CTNND2: variants seen among roughly 807,000 people sequenced by gnomAD.
The protein encoded by CTNND2 is catenin delta-2.
In CTNND2, 22 loss-of-function variants were observed where a neutral mutation model predicts 144.4. The ratio of observed to expected loss-of-function variants is 0.15; its 90% CI spans 0.11 to 0.22. The LOEUF is 0.22. Among genes scored for constraint, CTNND2 ranks in the 10% least tolerant of loss-of-function variants. The probability of loss-of-function intolerance (pLI) is 1.00; values close to 1 mark genes in which losing one functional copy is unlikely to be tolerated. For missense variants in CTNND2, 1,353 were observed against 1,618.8 expected, an observed-to-expected ratio of 0.84 and a Z score of 2.82; for synonymous variants, 751 against 695.6, an observed-to-expected ratio of 1.08 and a Z score of -1.25.
chr5:11,765,190 A>T (rs1789510644), intron 1 of CTNND2, among the ~76,000 whole-genome samples: 1 of 152,226 alleles, frequency 6.6e-6, no homozygotes, highest in African/African-American at 2.4e-5. Flanking sequence ...GGGCAGATGA[A>T]TTAAGAGAGA....
rs1372829692 is a variant in CTNND2 at position 11,385,003 on chromosome 5, A to G, written c.839T>C (p.Leu280Pro). The G allele has an allele frequency of 4.7e-6, 7 of 1,491,988 alleles. No homozygotes were observed. The highest frequency in any genetic ancestry group is 6.2e-6 in the Non-Finnish European group (7 of 1,128,552). 92.4% of individuals were successfully genotyped at this position (1,491,988 alleles called of 1,614,324 possible). The change falls in exon 7 of 22, where the codon CTG (leucine) becomes CCG (proline). Residue 280 changes from leucine to proline, a missense_variant. Around this residue, in one of 4 missense-constraint regions of CTNND2, gnomAD observed 708 missense variants for 706.4 expected, o/e 1.00. Transcript: ENST00000304623. ...CTCGGGGGCCGAGCCGCCGCGCTGC[A>G]GCTTGGTGGGCGAACCGCCCTGGGG... The part of the protein sequence containing the change: ...AAPQGGSPTK[L>P]QRGGSAPEGA...
chr5:11,100,214 T>C (rs1751750921), intron 14 of CTNND2, among the ~76,000 whole-genome samples: 1 of 152,192 alleles, frequency 6.6e-6, no homozygotes, highest in South Asian at 2.1e-4. Context: ...TCCTCAATAA[T>C]GACACAGCTT....
intron 2 of CTNND2, among the ~76,000 whole-genome samples, chr5:11,708,676 T>G (rs1287291673): frequency 6.6e-6 from 1 of 152,142 alleles, no homozygotes; most frequent in Non-Finnish European, 1.5e-5. Flanking sequence ...TTCTGGATGC[T>G]TCCCCATCCT....
intron 8 of CTNND2, among the ~76,000 whole-genome samples, chr5:11,349,331 T>C (rs1755103854): frequency 6.6e-6 from 1 of 152,216 alleles, no homozygotes; most frequent in Non-Finnish European, 1.5e-5. Context: ...TGCTGGGCTC[T>C]GTTGTAAGTG....
At chr5:11,482,444 C>T (rs1768372073) in intron 3 of CTNND2, among the ~76,000 whole-genome samples, 1 of 152,116 alleles carries the variant, frequency 6.6e-6, no homozygotes, top group African/African-American at 2.4e-5. Context: ...CAAAGAATGA[C>T]TGAGTGCCCT....
chr5:11,292,526 T>G (rs1011301833), intron 9 of CTNND2, among the ~76,000 whole-genome samples: 15 of 152,126 alleles, frequency 9.9e-5, no homozygotes, highest in African/African-American at 3.6e-4. Context: ...GCTGTTCTCA[T>G]GATAGTGAGT....
At chr5:11,261,007 G>A (rs79571991) in intron 9 of CTNND2, among the ~76,000 whole-genome samples, 5,020 of 152,200 alleles carry the variant, frequency 0.033, 105 homozygotes, top group Middle Eastern at 0.048. Context: ...ACATCTTGGA[G>A]GGATGGGTCT....
chr5:11,223,969 T>G (rs1275484333), intron 10 of CTNND2, among the ~76,000 whole-genome samples: 2 of 152,096 alleles, frequency 1.3e-5, no homozygotes, highest in African/African-American at 4.8e-5. Context: ...TGGCCTGGGA[T>G]CCCCTGCTTC....
chr5:11,767,536 T>A (rs934990761), intron 1 of CTNND2, among the ~76,000 whole-genome samples: 1 of 152,238 alleles, frequency 6.6e-6, no homozygotes, highest in Non-Finnish European at 1.5e-5. Flanking sequence ...TATATTCCCT[T>A]TGACAAGCAA....
intron 15 of CTNND2, among the ~76,000 whole-genome samples, chr5:11,087,672 A>G (rs1273074371): frequency 6.6e-6 from 1 of 151,548 alleles, no homozygotes; most frequent in African/African-American, 2.4e-5. Flanking sequence ...GAAGAATTCC[A>G]TTCTGTTAGT....
intron 7 of CTNND2, among the ~76,000 whole-genome samples, chr5:11,375,317 C>T (rs58310751): frequency 0.022 from 3,360 of 152,230 alleles, 127 homozygotes; most frequent in African/African-American, 0.076. Context: ...AGGGAGGAAA[C>T]GACAAGTAAA....
chr5:11,106,968 G>A (rs1752485794), intron 14 of CTNND2, among the ~76,000 whole-genome samples: 1 of 152,120 alleles, frequency 6.6e-6, no homozygotes. Context: ...GGGGAGGAAG[G>A]CAGCACCCTG....
At chr5:11,621,280 CA>C (rs1222584269) in intron 2 of CTNND2, among the ~76,000 whole-genome samples, 2 of 152,026 alleles carry the variant, frequency 1.3e-5, no homozygotes, top group Admixed American at 6.6e-5. Flanking sequence ...TCTGGCAATG[CA>C]AAAAAATCTG....
rs758480715 is a variant in CTNND2 at position 11,903,328 on chromosome 5, A to T, written c.37+489T>A. ...TGGCAAGCCGCGGGAGCCTGAAGAC[A>T]CGGCCATGGACGCATATGACTAAGT... is the stretch of plus-strand genomic sequence containing the variant. On this transcript the variant is annotated intron_variant, in intron 1 of 21. Coordinates refer to ENST00000304623, the MANE Select transcript of CTNND2 (RefSeq NM_001332.4). The surrounding 1 kb of genome is among the most constrained non-coding windows in gnomAD (Gnocchi z 5.4). 3.8e-5 allele frequency: 37 copies of T among 985,812 alleles called. No homozygotes were observed. Among genetic ancestry groups the T allele is most frequent in the Non-Finnish European group, 4.3e-5 (36 of 830,388 alleles). The allele number at this position is 985,812 out of a possible 1,614,324, so 61.1% of individuals were successfully genotyped here.
Position 11,161,380 on chromosome 5 carries a change from A to C in CTNND2, c.1976-1621T>G, listed in dbSNP as rs556128320. ...AGTATCCTAAATTGAGTACACAAAA[A>C]GTGCTCAATGGTACACAGAAGGTGC... On this transcript the variant is annotated intron_variant, in intron 11 of 21. Coordinates refer to ENST00000304623, the MANE Select transcript of CTNND2 (RefSeq NM_001332.4). Among the ~76,000 whole-genome samples, 3 of 152,338 alleles carry C rather than the reference A, an allele frequency of 2.0e-5. No homozygotes were observed. The East Asian group carries it at 5.8e-4, about 29-fold the overall frequency.
chr5:10,994,255 G>A (rs1739033617), intron 18 of CTNND2, among the ~76,000 whole-genome samples: 1 of 104,162 alleles, frequency 9.6e-6, no homozygotes, highest in African/African-American at 4.0e-5. Context: ...GAGGAGCGGG[G>A]TGGGGGGAGA....
intron 9 of CTNND2, among the ~76,000 whole-genome samples, chr5:11,289,091 C>A (rs1311073092): frequency 1.3e-5 from 2 of 152,180 alleles, no homozygotes; most frequent in African/African-American, 4.8e-5. Flanking sequence ...GCCATCCCCC[C>A]CGCCTGTGCT....
At chr5:11,114,685 G>T (rs1424324582) in intron 13 of CTNND2, among the ~76,000 whole-genome samples, 1 of 152,108 alleles carries the variant, frequency 6.6e-6, no homozygotes, top group African/African-American at 2.4e-5. Context: ...GTTGTAGAGT[G>T]CTCCACTATA....
chr5:11,781,436 G>A (rs1188011785), intron 1 of CTNND2, among the ~76,000 whole-genome samples: 2 of 152,182 alleles, frequency 1.3e-5, no homozygotes, highest in Admixed American at 6.5e-5. Context: ...CCGCCCTTTA[G>A]GAAGCTTATA....
Sources: allele counts gnomAD v4.1 joint callset (sites outside exome capture counted in the v4.1 genomes callset), GRCh38; gene constraint gnomAD v4.1.1; regional missense constraint gnomAD v4.1.1; non-coding constraint Gnocchi (gnomAD v3.1); transcripts MANE v1.5; gene names NCBI Gene and HGNC (gene_info 2026-07-23, HGNC 2026-07-21).